The following SNAP25 variants were observed in gnomAD, a reference collection of about 807,000 sequenced individuals.
The protein encoded by SNAP25 is synaptosomal-associated protein 25.
Under a neutral mutation model 28.7 loss-of-function variants are expected in SNAP25, and 3 were observed. The ratio of observed to expected loss-of-function variants is 0.10; its 90% confidence interval spans 0.05 to 0.27. The LOEUF is 0.27. SNAP25 is among the 10% of genes least tolerant of loss of function. The pLI, the probability that SNAP25 is intolerant of heterozygous loss-of-function variation, is 1.00. For missense variants in SNAP25, 117 were observed against 278.7 expected (o/e 0.42, Z 4.13); for synonymous variants, 61 against 88.1 (o/e 0.69, Z 1.72).
At chr20:10,306,035 T>C in intron 7 of SNAP25, 94 bp from the exon 8 acceptor site, 1 of 1,178,192 alleles carries the variant, frequency 8.5e-7, no homozygotes, top group East Asian at 2.4e-5. Flanking sequence ...TTTTAAGTGG[T>C]TTCACCCAAG....
intron 1 of SNAP25, among the ~76,000 whole-genome samples, chr20:10,256,585 T>C (rs1487850467): frequency 6.6e-6 from 1 of 152,212 alleles, no homozygotes; most frequent in African/African-American, 2.4e-5. Flanking sequence ...TGAAAGCACT[T>C]TGGTAATATA....
At chr20:10,246,470 T>C (rs1356964864) in intron 1 of SNAP25, among the ~76,000 whole-genome samples, 1 of 152,092 alleles carries the variant, frequency 6.6e-6, no homozygotes, top group Non-Finnish European at 1.5e-5. Context: ...AAACGTCTTA[T>C]GGAGAAGAAA....
intron 1 of SNAP25, among the ~76,000 whole-genome samples, chr20:10,239,372 G>T (rs2062982989): frequency 1.3e-5 from 2 of 152,304 alleles, no homozygotes; most frequent in South Asian, 4.1e-4. Context: ...AAAGTAGGAG[G>T]AACAGAGAGA....
At chr20:10,269,835 T>A (rs1600722265) in intron 1 of SNAP25, among the ~76,000 whole-genome samples, 1 of 152,362 alleles carries the variant, frequency 6.6e-6, no homozygotes, top group Non-Finnish European at 1.5e-5. Context: ...TAAATCATTT[T>A]AAAAATGTAA....
At chr20:10,240,328 G>T (rs1271083500) in intron 1 of SNAP25, among the ~76,000 whole-genome samples, 1 of 152,128 alleles carries the variant, frequency 6.6e-6, no homozygotes, top group African/African-American at 2.4e-5. Flanking sequence ...GATTAAATCA[G>T]GCCCAACCCA....
At chr20:10,244,304 T>G (rs2063089066) in intron 1 of SNAP25, among the ~76,000 whole-genome samples, 1 of 152,216 alleles carries the variant, frequency 6.6e-6, no homozygotes, top group Admixed American at 6.5e-5. Flanking sequence ...AGAACTTACA[T>G]TTGGGAAAGA....
At chr20:10,301,101 G>A (rs2064224765) in intron 7 of SNAP25, among the ~76,000 whole-genome samples, 1 of 152,164 alleles carries the variant, frequency 6.6e-6, no homozygotes, top group Non-Finnish European at 1.5e-5. Context: ...CTAATAGAAG[G>A]GTCAAACTCT....
Position 10,297,322 on chromosome 20 carries a change from C to T in SNAP25, c.407+272C>T, listed in dbSNP as rs547865783. Among the ~76,000 whole-genome samples the T allele has an allele frequency of 3.3e-5, 5 of 152,298 alleles. No individual in the cohort carries two copies. In the South Asian group the frequency reaches 8.3e-4, roughly 25 times the overall value. On this transcript the variant is annotated intron_variant, in intron 6 of 7. Transcript: ENST00000254976. ...TCAGCAAGAGAGCCCAGGTTCCTTA[C>T]ATGGTGGTAGCAGTATTCCAAGGGG...
chr20:10,277,037 T>C (rs1335958024), intron 2 of SNAP25, among the ~76,000 whole-genome samples: 2 of 152,194 alleles, frequency 1.3e-5, no homozygotes, highest in African/African-American at 4.8e-5. Flanking sequence ...TGGATTCTAG[T>C]CGTTTCAAAA....
At chr20:10,305,611 C>T (rs1454532010) in intron 7 of SNAP25, among the ~76,000 whole-genome samples, 1 of 152,116 alleles carries the variant, frequency 6.6e-6, no homozygotes, top group East Asian at 1.9e-4. Flanking sequence ...GTCCAAGGGT[C>T]CACTGTACAT....
chr20:10,242,836 C>T (rs1358932247), intron 1 of SNAP25, among the ~76,000 whole-genome samples: 2 of 152,288 alleles, frequency 1.3e-5, no homozygotes, highest in Middle Eastern at 3.4e-3. Flanking sequence ...TCCATTTAGC[C>T]AGCATAAAAG....
In SNAP25 at chr20:10,270,561, G is replaced by A. The variant is rs556564490; in HGVS notation, c.-63-4868G>A. ...TAAAAATACAAAAAATTAGCTGGGC[G>A]TGGTGGCATGCACCTGTAATCCCAG... On this transcript the variant is annotated intron_variant, in intron 1 of 7. Transcript: ENST00000254976. Among the ~76,000 whole-genome samples, 8 of 152,200 alleles carry A rather than the reference G, an allele frequency of 5.3e-5. No individual in the cohort carries two copies. In the South Asian group the frequency reaches 1.7e-3, roughly 32 times the overall value.
At chr20:10,241,792 G>A (rs1312241211) in intron 1 of SNAP25, among the ~76,000 whole-genome samples, 1 of 152,126 alleles carries the variant, frequency 6.6e-6, no homozygotes, top group Non-Finnish European at 1.5e-5. Flanking sequence ...AAAGTGAAGT[G>A]TTAGGAGGGA....
intron 4 of SNAP25, among the ~76,000 whole-genome samples, chr20:10,288,795 AT>A (rs746573597): frequency 3.0e-4 from 45 of 152,032 alleles, no homozygotes; most frequent in Admixed American, 1.5e-3. Context: ...TACACATTTC[AT>A]TTATAGTATA....
intron 4 of SNAP25, among the ~76,000 whole-genome samples, chr20:10,286,370 G>C (rs1004639487): frequency 3.3e-5 from 5 of 152,174 alleles, no homozygotes; most frequent in African/African-American, 1.2e-4. Flanking sequence ...GATAGGTCAA[G>C]GGGAGAGCTG....
chr20:10,284,965 C>T (rs2063847247), intron 4 of SNAP25, among the ~76,000 whole-genome samples, 193 bp downstream of exon 4: 1 of 152,054 alleles, frequency 6.6e-6, no homozygotes, highest in Non-Finnish European at 1.5e-5. Context: ...AATGTTGAGG[C>T]CTTCTTCATG....
intron 3 of SNAP25, among the ~76,000 whole-genome samples, chr20:10,284,519 G>A (rs1568616758): frequency 6.6e-6 from 1 of 152,104 alleles, no homozygotes. Flanking sequence ...TCTGCCTAAA[G>A]CATCACTGGT....
intron 1 of SNAP25, among the ~76,000 whole-genome samples, chr20:10,269,407 TA>T (rs1238737649): frequency 6.6e-6 from 1 of 151,962 alleles, no homozygotes; most frequent in African/African-American, 2.4e-5. Context: ...ATCTTAAAAA[TA>T]AAAAATTAAA....
chr20:10,247,013 T>C (rs1400083880), intron 1 of SNAP25, among the ~76,000 whole-genome samples: 1 of 152,158 alleles, frequency 6.6e-6, no homozygotes, highest in East Asian at 1.9e-4. Context: ...ATAAAGAAGT[T>C]AGACACTGCT....
Sources: allele counts gnomAD v4.1 joint callset (sites outside exome capture counted in the v4.1 genomes callset), GRCh38; gene constraint gnomAD v4.1.1; transcripts MANE v1.5; gene names NCBI Gene and HGNC (gene_info 2026-07-23, HGNC 2026-07-21).